Variants in PTBP3 observed in about 807,000 individuals in gnomAD.
PTBP3 encodes the protein polypyrimidine tract binding protein 3.
PTBP3 carries 20 observed loss-of-function variants against 58.7 expected under a neutral mutation model. The observed-to-expected ratio is 0.34, with a 90% confidence interval of 0.24 to 0.50. The LOEUF (loss-of-function observed/expected upper bound fraction) is 0.50. Ranked by LOEUF, PTBP3 falls within the 20% of genes least tolerant of loss-of-function variation. The pLI, the probability that PTBP3 is intolerant of heterozygous loss-of-function variation, is 0.98. For missense variants in PTBP3, 509 were observed against 637.2 expected, an observed-to-expected ratio of 0.80 and a Z score of 2.17; for synonymous variants, 185 against 219.8, an observed-to-expected ratio of 0.84 and a Z score of 1.40.
the PTBP3 span, among the ~76,000 whole-genome samples, chr9:112,372,167 C>T: frequency 5.3e-5 from 8 of 152,110 alleles, no homozygotes; most frequent in African/African-American, 1.9e-4. Context: ...CCTCAAGCTC[C>T]TGGGCTCAAG....
intron 3 of PTBP3, among the ~76,000 whole-genome samples, chr9:112,269,316 G>GA (rs1186291020): frequency 6.6e-6 from 1 of 151,102 alleles, no homozygotes; most frequent in Non-Finnish European, 1.5e-5. Context: ...GGAGGAGAAA[G>GA]AAAAAAACAG....
intron 2 of PTBP3, among the ~76,000 whole-genome samples, chr9:112,293,686 C>G (rs1333210647): frequency 6.6e-6 from 1 of 152,206 alleles, no homozygotes; most frequent in East Asian, 1.9e-4. Flanking sequence ...CTCCACTTCT[C>G]AACTCTCACC....
chr9:112,350,626 A>G, the PTBP3 span, among the ~76,000 whole-genome samples: 3 of 152,146 alleles, frequency 2.0e-5, no homozygotes, highest in Non-Finnish European at 4.4e-5. Flanking sequence ...CCAGAACCAG[A>G]AAAGAAATTT....
At position 112,333,514 on chromosome 9, in the gene PTBP3, G is replaced by A. The variant is rs1830474976; in HGVS notation, c.-96C>T. On this transcript the variant is annotated 5_prime_UTR_variant, in exon 1 of 14. Coordinates refer to ENST00000374257, the MANE Select transcript of PTBP3 (RefSeq NM_001163788.4). ...AGGCGCGCACAGAGCAGGGACTGAC[G>A]GGCTAACCGCGAGCAGAGGAAGCAG... 1.3e-6 allele frequency: 2 copies of A among 1,583,078 alleles called. No individual in the cohort carries two copies. The highest frequency in any genetic ancestry group is 1.7e-6 in the Non-Finnish European group (2 of 1,164,756).
the PTBP3 span, among the ~76,000 whole-genome samples, chr9:112,375,611 A>G: frequency 1.3e-5 from 2 of 152,162 alleles, no homozygotes; most frequent in Non-Finnish European, 1.5e-5. Context: ...TAGGGCAAAG[A>G]AGGCAGGGTG....
chr9:112,317,129 T>TA (rs1490093783), intron 1 of PTBP3, among the ~76,000 whole-genome samples: 1 of 150,006 alleles, frequency 6.7e-6, no homozygotes, highest in East Asian at 2.0e-4. Context: ...AAAATGTTTT[T>TA]AAAACATTAG....
chr9:112,296,190 C>A (rs1340264924), intron 2 of PTBP3, among the ~76,000 whole-genome samples: 1 of 152,034 alleles, frequency 6.6e-6, no homozygotes, highest in Non-Finnish European at 1.5e-5. Flanking sequence ...CCACATTAAG[C>A]TAAGAGAATT....
chr9:112,362,635 C>T, the PTBP3 span: 2 of 154,182 alleles, frequency 1.3e-5, no homozygotes, highest in African/African-American at 4.8e-5. Context: ...CTTTCAAGAG[C>T]TTTATAATTT....
At chr9:112,230,820 C>T (rs1292425303) in intron 10 of PTBP3, among the ~76,000 whole-genome samples, 2 of 152,116 alleles carry the variant, frequency 1.3e-5, no homozygotes, top group African/African-American at 2.4e-5. Flanking sequence ...CTATGCTGTT[C>T]GAAAGTTTGG....
rs183651398 is a variant in PTBP3, at chr9:112,253,340, G to A, written c.517-552C>T. ...ATAAAAATAAAAGAAGGGAAGGGGT[G>A]AGCACGAACCAGAATGCAAGATGAG... On this transcript the variant is annotated intron_variant, in intron 5 of 13. Transcript: ENST00000374257. Among the ~76,000 whole-genome samples, 30 of 152,280 alleles carry A rather than the reference G, an allele frequency of 2.0e-4. No individual in the cohort carries two copies. The East Asian group carries it at 5.0e-3, about 25-fold the overall frequency.
At chr9:112,246,990 AC>A (rs1387819402) in intron 7 of PTBP3, among the ~76,000 whole-genome samples, 1 of 152,162 alleles carries the variant, frequency 6.6e-6, no homozygotes, top group Non-Finnish European at 1.5e-5. Context: ...AAGACATTCT[AC>A]AAAAAATATC....
At chr9:112,377,013 T>C in the PTBP3 span, among the ~76,000 whole-genome samples, 161 of 152,358 alleles carry the variant, frequency 1.1e-3, 1 homozygote, top group African/African-American at 3.8e-3. Flanking sequence ...GCAACTTCCA[T>C]GACCTGGGGT....
At chr9:112,365,006 A>G in the PTBP3 span, among the ~76,000 whole-genome samples, 3 of 152,134 alleles carry the variant, frequency 2.0e-5, no homozygotes, top group Non-Finnish European at 1.5e-5. Flanking sequence ...TACGTGTTCA[A>G]CATTTTTAGA....
At chr9:112,299,375 C>CATTAAAATT (rs1261241825) in intron 1 of PTBP3, among the ~76,000 whole-genome samples, 1 of 151,908 alleles carries the variant, frequency 6.6e-6, no homozygotes, top group Non-Finnish European at 1.5e-5. Context: ...ACCTAGATAA[C>CATTAAAATT]ATTAAAATTA....
rs552628822 is a variant in PTBP3 at position 112,284,868 on chromosome 9, G to A, written c.35-8855C>T. On this transcript the variant is annotated intron_variant, in intron 2 of 13. Transcript: ENST00000374257. ...ATGCCTGTACCCCCGTTGTATCTTC[G>A]AAGTAACTAACTTGCTTTTGATTTT... Among the ~76,000 whole-genome samples the A allele has an allele frequency of 1.6e-3, 247 of 152,046 alleles. 1 individual carries two copies. Among genetic ancestry groups the A allele is most frequent in the African/African-American group, 5.5e-3 (228 of 41,450 alleles).
At chr9:112,352,880 G>A in the PTBP3 span, among the ~76,000 whole-genome samples, 4 of 151,698 alleles carry the variant, frequency 2.6e-5, no homozygotes, top group East Asian at 1.9e-4. Context: ...TTGAAGTTAA[G>A]TACCAATTAA....
At chr9:112,270,934 C>T (rs1827359561) in intron 3 of PTBP3, among the ~76,000 whole-genome samples, 1 of 152,170 alleles carries the variant, frequency 6.6e-6, no homozygotes, top group Non-Finnish European at 1.5e-5. Context: ...CCGCGGCTCA[C>T]TGCAACCTCA....
At chr9:112,243,863 C>A (rs986017642) in intron 7 of PTBP3, among the ~76,000 whole-genome samples, 1 of 152,116 alleles carries the variant, frequency 6.6e-6, no homozygotes, top group African/African-American at 2.4e-5. Context: ...ACACATTACA[C>A]ATAGAAAGAA....
chr9:112,231,703 A>C (rs184115916), intron 9 of PTBP3, among the ~76,000 whole-genome samples: 3 of 151,562 alleles, frequency 2.0e-5, no homozygotes, highest in Admixed American at 6.6e-5. Flanking sequence ...GGAGCTTGAG[A>C]CCAGCCTGGG....
Sources: allele counts gnomAD v4.1 joint callset (sites outside exome capture counted in the v4.1 genomes callset), GRCh38; gene constraint gnomAD v4.1.1; transcripts MANE v1.5; gene names NCBI Gene and HGNC (gene_info 2026-07-23, HGNC 2026-07-21).